SLC44A5: variants seen among roughly 807,000 people sequenced by gnomAD.
SLC44A5 encodes choline transporter-like protein 5.
In SLC44A5, 57 loss-of-function variants were observed where a neutral mutation model predicts 101.8. That is an observed-to-expected ratio of 0.56 (90% CI 0.45 to 0.70). The LOEUF (loss-of-function observed/expected upper bound fraction) is 0.70. Ranked by LOEUF, SLC44A5 falls within the 30% of genes least tolerant of loss-of-function variation. SLC44A5 has a pLI of 0.00. For missense variants in SLC44A5, 737 were observed against 853.1 expected (o/e 0.86, Z 1.70); for synonymous variants, 281 against 290.9 (o/e 0.97, Z 0.35).
chr1:75,647,892 A>G, the SLC44A5 span, among the ~76,000 whole-genome samples: 1 of 152,192 alleles, frequency 6.6e-6, no homozygotes, highest in Non-Finnish European at 1.5e-5. Flanking sequence ...GTCTCAGATG[A>G]TACTTTGGAC....
chr1:75,501,211 C>T (rs1330651397), intron 2 of SLC44A5, among the ~76,000 whole-genome samples: 1 of 152,022 alleles, frequency 6.6e-6, no homozygotes, highest in Non-Finnish European at 1.5e-5. Flanking sequence ...AGGCATAATA[C>T]AAGTACAGAT....
intron 6 of SLC44A5, among the ~76,000 whole-genome samples, chr1:75,255,546 G>A (rs371548850): frequency 1.3e-5 from 2 of 151,906 alleles, no homozygotes; most frequent in East Asian, 1.9e-4. Context: ...GAGAGGCACT[G>A]AGACGAATCC....
At chr1:75,302,647 A>T (rs141548387) in intron 4 of SLC44A5, among the ~76,000 whole-genome samples, 321 of 152,338 alleles carry the variant, frequency 2.1e-3, no homozygotes, top group Non-Finnish European at 3.5e-3. Flanking sequence ...CACAATGAAG[A>T]AGTTAACAAT....
intron 4 of SLC44A5, among the ~76,000 whole-genome samples, chr1:75,304,138 A>C (rs537771956): frequency 3.3e-5 from 5 of 151,604 alleles, no homozygotes; most frequent in South Asian, 2.1e-4. Context: ...ACCATACCCT[A>C]TGGCCAGACT....
chr1:75,523,794 G>A (rs528002988), intron 2 of SLC44A5, among the ~76,000 whole-genome samples: 39 of 152,282 alleles, frequency 2.6e-4, no homozygotes, highest in African/African-American at 8.7e-4. Context: ...TTGCTACGCC[G>A]GAGAGTGGCA....
At chr1:75,267,398 T>A (rs927356330) in intron 6 of SLC44A5, among the ~76,000 whole-genome samples, 4 of 152,182 alleles carry the variant, frequency 2.6e-5, no homozygotes, top group South Asian at 2.1e-4. Context: ...ACTTCTTTTT[T>A]AAATTATTTA....
rs375082496 is a variant in SLC44A5, at chr1:75,403,467, G to A, written c.14-6846C>T. 9.2e-5 allele frequency among the ~76,000 whole-genome samples: 14 copies of A among 152,262 alleles called. 1 individual carries two copies. In the South Asian group the frequency reaches 1.9e-3, roughly 20 times the overall value. ...GAGAGCTCTGGCTGGCATCTGGCTG[G>A]TGCCCCTCTGGGACGAAGCTTCCAG... is the stretch of plus-strand genomic sequence containing the variant. On this transcript the variant is annotated intron_variant, in intron 2 of 23. Transcript: ENST00000370859.
At chr1:75,560,290 G>T (rs547780730) in intron 1 of SLC44A5, among the ~76,000 whole-genome samples, 1 of 152,224 alleles carries the variant, frequency 6.6e-6, no homozygotes, top group Non-Finnish European at 1.5e-5. Context: ...TGTCCATCAA[G>T]AAATGAATGA....
At chr1:75,590,848 C>A (rs571951081) in intron 1 of SLC44A5, among the ~76,000 whole-genome samples, 1 of 152,190 alleles carries the variant, frequency 6.6e-6, no homozygotes, top group African/African-American at 2.4e-5. Flanking sequence ...CCAGATAGCA[C>A]TTCTGAACCC....
chr1:75,465,932 T>C (rs910032989), intron 2 of SLC44A5, among the ~76,000 whole-genome samples: 2 of 152,238 alleles, frequency 1.3e-5, no homozygotes, highest in Admixed American at 6.5e-5. Flanking sequence ...GCTTCACTGC[T>C]GAATTCTACA....
intron 2 of SLC44A5, among the ~76,000 whole-genome samples, chr1:75,477,451 T>C (rs1186665048): frequency 1.3e-5 from 2 of 152,050 alleles, no homozygotes; most frequent in Non-Finnish European, 2.9e-5. Flanking sequence ...ATCAAACTAC[T>C]CCGAGTTACA....
the SLC44A5 span, among the ~76,000 whole-genome samples, chr1:75,656,838 G>T: frequency 6.6e-6 from 1 of 152,106 alleles, no homozygotes; most frequent in Non-Finnish European, 1.5e-5. Flanking sequence ...ATAATAACAT[G>T]AACTAAATTC....
chr1:75,690,125 T>C, the SLC44A5 span, among the ~76,000 whole-genome samples: 2 of 152,120 alleles, frequency 1.3e-5, no homozygotes, highest in Non-Finnish European at 2.9e-5. Context: ...GCTATAAAGA[T>C]ACTACTGGAG....
chr1:75,339,911 T>C (rs1486415049), intron 3 of SLC44A5, among the ~76,000 whole-genome samples: 1 of 152,182 alleles, frequency 6.6e-6, no homozygotes, highest in Non-Finnish European at 1.5e-5. Context: ...TTAAAGATTG[T>C]ATCCAGGGTA....
chr1:75,440,370 G>C (rs1665127747), intron 2 of SLC44A5, among the ~76,000 whole-genome samples: 1 of 152,192 alleles, frequency 6.6e-6, no homozygotes, highest in Non-Finnish European at 1.5e-5. Flanking sequence ...GGAAAAGATG[G>C]CAAATTCAAA....
At chr1:75,516,978 T>C (rs1478747162) in intron 2 of SLC44A5, among the ~76,000 whole-genome samples, 1 of 152,216 alleles carries the variant, frequency 6.6e-6, no homozygotes, top group Non-Finnish European at 1.5e-5. Context: ...ATCATACTTC[T>C]ATAACTAGCC....
chr1:75,375,987 G>A (rs1223579909), intron 3 of SLC44A5, among the ~76,000 whole-genome samples: 3 of 152,186 alleles, frequency 2.0e-5, no homozygotes, highest in African/African-American at 7.2e-5. Flanking sequence ...TGTGCACCGT[G>A]TGCGAGCCGA....
chr1:75,694,426 T>A, the SLC44A5 span, among the ~76,000 whole-genome samples: 7 of 152,110 alleles, frequency 4.6e-5, no homozygotes, highest in Non-Finnish European at 1.0e-4. Flanking sequence ...TCCATTTTTT[T>A]AATCAAGAAT....
rs1660190335 is a variant in SLC44A5, at chr1:75,371,062, G to C, written c.52+25521C>G. ...CTCAGTTTTCCTGTTGGGTTTGGTAGGTACAAAGCAAATAAAGGGGCTGGA... is the reference window on the plus strand; with the variant it reads ...CTCAGTTTTCCTGTTGGGTTTGGTACGTACAAAGCAAATAAAGGGGCTGGA... On this transcript the variant is annotated intron_variant, in intron 3 of 23. Coordinates refer to ENST00000370859, the MANE Select transcript of SLC44A5 (RefSeq NM_001130058.2). Among the ~76,000 whole-genome samples, 4 of 152,184 alleles carry C rather than the reference G, an allele frequency of 2.6e-5. No individual in the cohort carries two copies. The East Asian group carries it at 5.8e-4, about 22-fold the overall frequency.
Sources: gnomAD v4.1 joint callset for allele counts (sites outside exome capture counted in the v4.1 genomes callset) on GRCh38, gnomAD v4.1.1 for gene constraint, MANE v1.5 for transcripts, NCBI Gene and HGNC (gene_info 2026-07-23, HGNC 2026-07-21) for gene names.